The following SPTB variants were observed in gnomAD, a reference collection of about 807,000 sequenced individuals.
SPTB encodes the protein spectrin beta, erythrocytic.
SPTB carries 45 observed loss-of-function variants against 256.2 expected under a neutral mutation model. That is an observed-to-expected ratio of 0.18 (90% CI 0.14 to 0.23). The LOEUF is 0.23. SPTB is among the 10% of genes least tolerant of loss of function. The pLI is 1.00. For missense variants in SPTB, 2,715 were observed against 3,040.4 expected (o/e 0.89, Z 2.52); for synonymous variants, 1,231 against 1,243.1 (o/e 0.99, Z 0.21).
chr14:64,850,957 A>G (rs1450709651), intron 1 of SPTB, among the ~76,000 whole-genome samples: 1 of 152,230 alleles, frequency 6.6e-6, no homozygotes, highest in Non-Finnish European at 1.5e-5. Context: ...GCTGGCCCCA[A>G]TCCAGGTCTT....
intron 2 of SPTB, among the ~76,000 whole-genome samples, chr14:64,818,261 T>G (rs539063714): frequency 6.6e-6 from 1 of 152,310 alleles, no homozygotes; most frequent in African/African-American, 2.4e-5. Flanking sequence ...GCCATCTCTT[T>G]CCCACAGGCC....
At chr14:64,877,734 C>T (rs932729529) in intron 1 of SPTB, among the ~76,000 whole-genome samples, 10 of 152,206 alleles carry the variant, frequency 6.6e-5, no homozygotes, top group African/African-American at 2.2e-4. Context: ...GTTTCCAGAG[C>T]TGCAGCAGAC....
At position 64,793,101 on chromosome 14, in the gene SPTB, G is replaced by A. The variant is rs12433436; in HGVS notation, c.2562C>T (p.Phe854=). The part of the protein sequence containing the change: ...LQEALDLYTV[F]GETDACELWM... ...ACAGCTCACAGGCGTCTGTCTCCCC[G>A]AACACCGTGTACAGGTCCAGGGCTT... Residue 854 remains phenylalanine, a synonymous_variant, in exon 14 of 36, where the codon TTC becomes TTT. Transcript: ENST00000644917. The surrounding 1 kb of genome is among the most constrained non-coding windows in gnomAD (Gnocchi z 7.0). 1,854 of 1,614,076 alleles carry A rather than the reference G, an allele frequency of 1.1e-3. 20 individuals carry two copies. The East Asian group carries it at 0.017, about 15-fold the overall frequency.
chr14:64,804,850 G>A, intron 3 of SPTB, 89 bp downstream of exon 3: 1 of 1,547,506 alleles, frequency 6.5e-7, no homozygotes, highest in African/African-American at 1.4e-5. Context: ...AACTGGGAAG[G>A]CCAGGAGAAC....
At chr14:64,788,967 T>C (rs577117650) in intron 15 of SPTB, among the ~76,000 whole-genome samples, 10 of 152,356 alleles carry the variant, frequency 6.6e-5, no homozygotes, top group Non-Finnish European at 1.0e-4. Flanking sequence ...ACCTTAGTTT[T>C]TTCCCAGTTC....
Position 64,873,956 on chromosome 14 carries a change from G to T in SPTB, c.-52+5836C>A. On this transcript the variant is annotated intron_variant, in intron 1 of 35. Transcript: ENST00000644917. This position sits in a 1 kb window ranked among gnomAD's most constrained non-coding sequence, Gnocchi z 4.3. ...CATGCTGAAAATTGAGTGGACTATA[G>T]TTATCTGTGATCATCATCTTGTACT... Among the ~76,000 whole-genome samples, 1 of 152,196 alleles carries T rather than the reference G, an allele frequency of 6.6e-6. No homozygotes were observed.
At chr14:64,798,190 A>G (rs979839596) in intron 9 of SPTB, among the ~76,000 whole-genome samples, 3 of 152,188 alleles carry the variant, frequency 2.0e-5, no homozygotes, top group African/African-American at 4.8e-5. Context: ...AAAAAATTTT[A>G]AAAAACCTTC....
rs1289591219 is a variant in SPTB at position 64,806,409 on chromosome 14, C to A, written c.149-1319G>T. Among the ~76,000 whole-genome samples, 1 of 152,198 alleles carries A rather than the reference C, an allele frequency of 6.6e-6. No homozygotes were observed. The highest frequency in any genetic ancestry group is 1.5e-5 in the Non-Finnish European group (1 of 68,032). ...GGGGGAGATCACAGCCAGGACATAC[C>A]TGGAGTGGCCTAGCCAGGAGCGGGG... On this transcript the variant is annotated intron_variant, in intron 2 of 35. Transcript: ENST00000644917. This position sits in a 1 kb window ranked among gnomAD's most constrained non-coding sequence, Gnocchi z 4.1.
rs1315881638 is a variant in SPTB at position 64,866,164 on chromosome 14, C to G, written c.-52+13628G>C. Among the ~76,000 whole-genome samples, 1 of 152,214 alleles carries G rather than the reference C, an allele frequency of 6.6e-6. No homozygotes were observed. On this transcript the variant is annotated intron_variant, in intron 1 of 35. Transcript: ENST00000644917. This position sits in a 1 kb window ranked among gnomAD's most constrained non-coding sequence, Gnocchi z 4.6. ...TAGTAGTCAGCCTACTGGTGACCTTCACTATGGCACCTAGTAATCCTCGAG... is the reference window on the plus strand; with the variant it reads ...TAGTAGTCAGCCTACTGGTGACCTTGACTATGGCACCTAGTAATCCTCGAG...
At chr14:64,830,377 T>A (rs1172455595) in intron 1 of SPTB, among the ~76,000 whole-genome samples, 2 of 44,814 alleles carry the variant, frequency 4.5e-5, no homozygotes, top group East Asian at 6.3e-4. Flanking sequence ...ATTATTATTA[T>A]TATTTTATTT....
At chr14:64,829,032 A>T (rs1358057107) in intron 1 of SPTB, among the ~76,000 whole-genome samples, 6 of 152,220 alleles carry the variant, frequency 3.9e-5, no homozygotes, top group Non-Finnish European at 8.8e-5. Flanking sequence ...TCAAGTTTTC[A>T]ACAACTGAAC....
Position 64,779,952 on chromosome 14 carries a change from G to A in SPTB, c.4267-21C>T. On this transcript the variant is annotated intron_variant, in intron 20 of 35. Coordinates refer to ENST00000644917, the MANE Select transcript of SPTB (RefSeq NM_001355436.2). This position sits in a 1 kb window ranked among gnomAD's most constrained non-coding sequence, Gnocchi z 4.2. Reference sequence around the variant, plus strand: ...ACTCGCTGAGACACAAGGGGACGGTGTCAGCACCAGCCTTGGCACCTGCAC... The same window carrying A: ...ACTCGCTGAGACACAAGGGGACGGTATCAGCACCAGCCTTGGCACCTGCAC... The A allele has an allele frequency of 6.2e-7, 1 of 1,607,318 alleles. No individual in the cohort carries two copies. The highest frequency in any genetic ancestry group is 1.1e-5 in the South Asian group (1 of 90,910).
At position 64,766,914 on chromosome 14, in the gene SPTB, C is replaced by G. The variant is rs972603040; in HGVS notation, c.6270-113G>C. 92 of 1,332,104 alleles carry G rather than the reference C, an allele frequency of 6.9e-5. 1 individual carries two copies. The highest frequency in any genetic ancestry group is 4.8e-4 in the Middle Eastern group (2 of 4,154). 82.5% of individuals were successfully genotyped at this position (1,332,104 alleles called of 1,614,324 possible). On this transcript the variant is annotated intron_variant, in intron 31 of 35. Coordinates refer to ENST00000644917, the MANE Select transcript of SPTB (RefSeq NM_001355436.2). ...AGGGAGGAGCACCAAATAGCTCCCCCTCCAGTCAGCCGGCAGCCTGGATGG... is the reference window on the plus strand; with the variant it reads ...AGGGAGGAGCACCAAATAGCTCCCCGTCCAGTCAGCCGGCAGCCTGGATGG...
At chr14:64,791,463 G>A (rs1161644474) in intron 15 of SPTB, among the ~76,000 whole-genome samples, 1 of 151,764 alleles carries the variant, frequency 6.6e-6, no homozygotes. Context: ...CTACTTGGGA[G>A]GCTGAGGAAC....
Position 64,794,505 on chromosome 14 carries a change from G to C in SPTB, c.1757C>G (p.Ala586Gly). 1 of 1,614,210 alleles carries C rather than the reference G, an allele frequency of 6.2e-7. No individual in the cohort carries two copies. Among genetic ancestry groups the C allele is most frequent in the Admixed American group, 1.7e-5 (1 of 60,032 alleles). Residue 586 changes from alanine to glycine, a missense_variant, in exon 13 of 36, where the codon GCC becomes GGC. Ala to Gly is a moderately conservative substitution (Grantham distance 60). Coordinates refer to ENST00000644917, the MANE Select transcript of SPTB (RefSeq NM_001355436.2). The stretch of plus-strand genomic sequence containing the variant: ...GAACTTCAGGGTGGCTGCGGTGATG[G>C]CCTTCACTTTGTCCCCTTGGATGGC... ...DIAIQGDKVK[A>G]ITAATLKFTE...
At position 64,802,429 on chromosome 14, in the gene SPTB, C is replaced by T. The variant is rs2139632940; in HGVS notation, c.475-112G>A. ...ATCCCCCCTTCACTTAACACTAATT[C>T]ATCCTTTAAGAGCCAGTATAAATGG... On this transcript the variant is annotated intron_variant, in intron 4 of 35. Coordinates refer to ENST00000644917, the MANE Select transcript of SPTB (RefSeq NM_001355436.2). The surrounding 1 kb of genome is among the most constrained non-coding windows in gnomAD (Gnocchi z 5.1). The T allele has an allele frequency of 7.0e-6, 7 of 998,858 alleles. No homozygotes were observed. The highest frequency in any genetic ancestry group is 5.5e-5 in the South Asian group (4 of 73,206). 61.9% of individuals were successfully genotyped at this position (998,858 alleles called of 1,614,324 possible). A position where few individuals can be genotyped will look rare whatever the true frequency, so the allele number is the denominator to read the frequency against.
intron 31 of SPTB, 95 bp from the exon 32 acceptor site, chr14:64,766,896 A>C (rs2082193696): frequency 2.1e-6 from 3 of 1,422,310 alleles, no homozygotes; most frequent in African/African-American, 1.4e-5. Flanking sequence ...CACAGGGAGG[A>C]GCACCAAATA....
At chr14:64,766,448 T>A in intron 32 of SPTB, 1 of 1,418,180 alleles carries the variant, frequency 7.1e-7, no homozygotes, top group African/African-American at 1.4e-5. Context: ...ATAAAATTTA[T>A]TACATTAGGT....
Position 64,775,377 on chromosome 14 carries a change from A to T in SPTB, c.4590T>A (p.His1530Gln). The change falls in exon 23 of 36, where the codon CAT (histidine) becomes CAA (glutamine). Residue 1530 changes from histidine to glutamine, a missense_variant. Physicochemically the swap from His to Gln is conservative, Grantham distance 24. Around this residue, in one of 4 missense-constraint regions of SPTB, gnomAD observed 2,239 missense variants for 2,384.4 expected, o/e 0.94. Transcript: ENST00000644917. This position sits in a 1 kb window ranked among gnomAD's most constrained non-coding sequence, Gnocchi z 5.0. ...GCAGCACATCCTCAACCCGCGGCGT[A>T]TGGCCCAGAATCTCATTCTGCAGTG... ...NQTLQNEILG[H>Q]TPRVEDVLQR... The T allele has an allele frequency of 6.2e-7, 1 of 1,612,698 alleles. No individual in the cohort carries two copies. Among genetic ancestry groups the T allele is most frequent in the Non-Finnish European group, 8.5e-7 (1 of 1,179,054 alleles).
Sources: allele counts gnomAD v4.1 joint callset (sites outside exome capture counted in the v4.1 genomes callset), GRCh38; gene constraint gnomAD v4.1.1; regional missense constraint gnomAD v4.1.1; non-coding constraint Gnocchi (gnomAD v3.1); transcripts MANE v1.5; gene names NCBI Gene and HGNC (gene_info 2026-07-23, HGNC 2026-07-21).